The following TCF7L1 variants were observed in gnomAD, a reference collection of about 807,000 sequenced individuals.
TCF7L1 encodes transcription factor 7-like 1.
A neutral mutation model predicts 63.7 loss-of-function variants in TCF7L1; 18 were observed. The observed-to-expected ratio is 0.28, with a 90% CI of 0.20 to 0.42. The LOEUF (loss-of-function observed/expected upper bound fraction) is 0.42, where lower values mean the gene tolerates loss of function less well. Ranked by LOEUF, TCF7L1 falls within the 10% of genes least tolerant of loss-of-function variation. TCF7L1 has a pLI of 1.00. For synonymous variants in TCF7L1, 355 were observed against 340.9 expected (o/e 1.04, Z -0.46); for missense variants, 654 against 779.3 (o/e 0.84, Z 1.91).
rs569855958 is a variant in TCF7L1 at position 85,182,446 on chromosome 2, C to T, written c.441+47996C>T. The stretch of plus-strand genomic sequence containing the variant: ...TCTGATCCTGGCCCTCTGTGACTTC[C>T]TCTTCACCCATTGTAGCATACCAGC... On this transcript the variant is annotated intron_variant, in intron 3 of 11. Transcript: ENST00000282111. Among the ~76,000 whole-genome samples, 86 of 152,260 alleles carry T rather than the reference C, an allele frequency of 5.6e-4. 2 individuals carry two copies. The South Asian group carries it at 0.017, about 31-fold the overall frequency.
In TCF7L1 at chr2:85,178,463, C is replaced by G. The variant is rs548452299; in HGVS notation, c.441+44013C>G. Reference sequence around the variant, plus strand: ...ATTTACTGAACTCCTCCTGTGCACCCAAGTCTCCAGAAGGAGCTGGAGAAG... The same window carrying G: ...ATTTACTGAACTCCTCCTGTGCACCGAAGTCTCCAGAAGGAGCTGGAGAAG... On this transcript the variant is annotated intron_variant, in intron 3 of 11. Transcript: ENST00000282111. Among the ~76,000 whole-genome samples the G allele has an allele frequency of 4.6e-5, 7 of 152,228 alleles. 1 individual carries two copies. In the East Asian group the frequency reaches 1.4e-3, roughly 29 times the overall value.
At chr2:85,147,423 G>A (rs1677906494) in intron 3 of TCF7L1, among the ~76,000 whole-genome samples, 1 of 152,164 alleles carries the variant, frequency 6.6e-6, no homozygotes, top group Non-Finnish European at 1.5e-5. Flanking sequence ...ACGTGATGCT[G>A]TGGGAACCCA....
intron 3 of TCF7L1, chr2:85,186,881 A>G (rs939777301): frequency 4.6e-5 from 7 of 152,236 alleles, no homozygotes; most frequent in Non-Finnish European, 4.4e-5. Context: ...TACTGTACTA[A>G]TGAGGAAAGG....
chr2:85,240,324 T>G (rs1680294562), intron 3 of TCF7L1, among the ~76,000 whole-genome samples: 1 of 152,226 alleles, frequency 6.6e-6, no homozygotes, highest in African/African-American at 2.4e-5. Flanking sequence ...GGGACTGCTG[T>G]GGAGATGAAG....
intron 3 of TCF7L1, among the ~76,000 whole-genome samples, chr2:85,203,465 G>A (rs62165563): frequency 0.12 from 17,826 of 152,176 alleles, 1,175 homozygotes; most frequent in Admixed American, 0.19. Context: ...GGTGGCTCAC[G>A]CCTGTAATTC....
At chr2:85,236,757 C>G (rs1461747664) in intron 3 of TCF7L1, among the ~76,000 whole-genome samples, 3 of 152,086 alleles carry the variant, frequency 2.0e-5, no homozygotes, top group Non-Finnish European at 2.9e-5. Flanking sequence ...AGTCAGAATG[C>G]AAAGTAACAA....
At chr2:85,297,935 CTT>C (rs1310392236) in intron 4 of TCF7L1, among the ~76,000 whole-genome samples, 3 of 151,410 alleles carry the variant, frequency 2.0e-5, no homozygotes, top group African/African-American at 7.3e-5. Context: ...TTTTAATAAA[CTT>C]ATTTATCTAA....
intron 3 of TCF7L1, among the ~76,000 whole-genome samples, chr2:85,189,538 C>T (rs1183415849): frequency 6.6e-6 from 1 of 152,264 alleles, no homozygotes; most frequent in African/African-American, 2.4e-5. Flanking sequence ...CCATCCTCTG[C>T]TGCTGTTACC....
At chr2:85,251,404 G>A (rs1424995932) in intron 3 of TCF7L1, among the ~76,000 whole-genome samples, 1 of 152,186 alleles carries the variant, frequency 6.6e-6, no homozygotes, top group East Asian at 1.9e-4. Context: ...CCTTTATTGT[G>A]TACAGTATAT....
intron 3 of TCF7L1, among the ~76,000 whole-genome samples, chr2:85,149,346 T>TACACACAC (rs58712600): frequency 4.3e-4 from 65 of 151,850 alleles, no homozygotes; most frequent in Admixed American, 1.4e-3. Context: ...TATATGTGTA[T>TACACACAC]ACACACACAC....
At chr2:85,235,007 C>A (rs768608272) in intron 3 of TCF7L1, among the ~76,000 whole-genome samples, 1 of 152,172 alleles carries the variant, frequency 6.6e-6, no homozygotes, top group African/African-American at 2.4e-5. Flanking sequence ...CCCTGTCTAG[C>A]GCACTGTGCT....
intron 3 of TCF7L1, among the ~76,000 whole-genome samples, chr2:85,227,480 A>T (rs1249434350): frequency 6.6e-6 from 1 of 151,640 alleles, no homozygotes; most frequent in Non-Finnish European, 1.5e-5. Flanking sequence ...AAGAGAAACA[A>T]CGATCCTAAT....
intron 3 of TCF7L1, among the ~76,000 whole-genome samples, chr2:85,184,733 G>A (rs1243761245): frequency 6.6e-6 from 1 of 152,130 alleles, no homozygotes; most frequent in Admixed American, 6.5e-5. Context: ...TTAGACTGAG[G>A]TGGCCCTGCT....
chr2:85,145,582 G>C (rs148450614), intron 3 of TCF7L1, among the ~76,000 whole-genome samples: 7 of 152,246 alleles, frequency 4.6e-5, no homozygotes, highest in African/African-American at 1.7e-4. Context: ...GTGGTTGGGT[G>C]TTAGTCCCTG....
At chr2:85,245,707 C>T (rs908563193) in intron 3 of TCF7L1, among the ~76,000 whole-genome samples, 2 of 151,660 alleles carry the variant, frequency 1.3e-5, no homozygotes, top group Non-Finnish European at 2.9e-5. Context: ...CCCAGCTACT[C>T]GGGAGGCTGA....
intron 3 of TCF7L1, among the ~76,000 whole-genome samples, chr2:85,170,266 A>C (rs561656837): frequency 6.6e-6 from 1 of 152,230 alleles, no homozygotes; most frequent in East Asian, 1.9e-4. Flanking sequence ...GGTGGATTTC[A>C]TTTTCAGAAG....
At chr2:85,299,939 C>T (rs553359034) in intron 4 of TCF7L1, among the ~76,000 whole-genome samples, 3 of 137,802 alleles carry the variant, frequency 2.2e-5, no homozygotes, top group African/African-American at 8.2e-5. Context: ...AGGAGATATG[C>T]CAAAATGACC....
chr2:85,209,450 C>T (rs1199834087), intron 3 of TCF7L1, among the ~76,000 whole-genome samples: 1 of 152,202 alleles, frequency 6.6e-6, no homozygotes, highest in Non-Finnish European at 1.5e-5. Flanking sequence ...TGCTGCTTTT[C>T]CTGTGGTCTG....
chr2:85,277,073 G>A (rs1330470373), intron 3 of TCF7L1, among the ~76,000 whole-genome samples: 4 of 152,116 alleles, frequency 2.6e-5, no homozygotes, highest in East Asian at 3.9e-4. Context: ...GGTGGGGGGC[G>A]GTGAGGGTGG....
Sources: allele counts gnomAD v4.1 joint callset (sites outside exome capture counted in the v4.1 genomes callset), GRCh38; gene constraint gnomAD v4.1.1; transcripts MANE v1.5; gene names NCBI Gene and HGNC (gene_info 2026-07-23, HGNC 2026-07-21).